Variants in SIK3 observed in about 807,000 individuals in gnomAD.
The protein encoded by SIK3 is SIK family kinase 3.
A neutral mutation model predicts 144.2 loss-of-function variants in SIK3; 28 were observed. The observed-to-expected ratio is 0.19, with a 90% confidence interval of 0.14 to 0.27. SIK3 has a LOEUF of 0.27. Ranked by LOEUF, SIK3 falls within the 10% of genes least tolerant of loss-of-function variation. SIK3 has a pLI of 1.00. For missense variants in SIK3, 1,319 were observed against 1,776.0 expected (o/e 0.74, Z 4.62); for synonymous variants, 686 against 676.3 (o/e 1.01, Z -0.22).
intron 21 of SIK3, among the ~76,000 whole-genome samples, chr11:116,852,745 T>A (rs1942567813): frequency 6.6e-6 from 1 of 152,198 alleles, no homozygotes; most frequent in Non-Finnish European, 1.5e-5. Flanking sequence ...GCTTGCAGAA[T>A]TATGAGGGAC....
chr11:116,891,327 C>A (rs1591241083), intron 6 of SIK3, among the ~76,000 whole-genome samples: 1 of 152,088 alleles, frequency 6.6e-6, no homozygotes, highest in Non-Finnish European at 1.5e-5. Context: ...AAAAAAAAGT[C>A]TTTTGTTTTC....
chr11:116,985,981 T>C (rs191296073), intron 1 of SIK3, among the ~76,000 whole-genome samples: 7 of 152,290 alleles, frequency 4.6e-5, no homozygotes, highest in Admixed American at 1.3e-4. Context: ...CACAACCAGA[T>C]CTGGGTTTCT....
intron 13 of SIK3, 97 bp downstream of exon 13, chr11:116,873,384 A>C: frequency 1.3e-6 from 2 of 1,514,192 alleles, no homozygotes; most frequent in Non-Finnish European, 1.8e-6. Flanking sequence ...AAGGAAATTC[A>C]GACATGTAGG....
In SIK3 at chr11:117,010,108, GC is replaced by G. The variant is rs2135673989; in HGVS notation, c.274-53045del. ...GTGGGAAGTGGCTTCTTCCTGGGAA[GC>G]CCAGTACCCAAAAAGCCTCTCCCAG... On this transcript the variant is annotated intron_variant, in intron 1 of 24. Coordinates refer to ENST00000445177, the MANE Select transcript of SIK3 (RefSeq NM_001366686.3). 2.0e-5 allele frequency among the ~76,000 whole-genome samples: 3 copies of G among 152,002 alleles called. No homozygotes were observed. The East Asian group carries it at 6.1e-4, about 31-fold the overall frequency.
chr11:116,851,417 G>A (rs1217290105), intron 21 of SIK3, among the ~76,000 whole-genome samples: 1 of 152,142 alleles, frequency 6.6e-6, no homozygotes, highest in East Asian at 1.9e-4. Context: ...TGAATGTTGG[G>A]TAAAGGATTT....
intron 15 of SIK3, 99 bp from the exon 16 acceptor site, chr11:116,863,917 T>A: frequency 1.5e-6 from 2 of 1,297,912 alleles, no homozygotes; most frequent in Non-Finnish European, 2.1e-6. Context: ...GACGGCTGGC[T>A]GCCCAGGTAG....
intron 1 of SIK3, among the ~76,000 whole-genome samples, chr11:117,080,723 G>A (rs1042308336): frequency 6.6e-6 from 1 of 152,112 alleles, no homozygotes; most frequent in Admixed American, 6.6e-5. Flanking sequence ...TGAGGCAGGG[G>A]GATCACTCAA....
chr11:117,009,337 G>A (rs139047829), intron 1 of SIK3, among the ~76,000 whole-genome samples: 34 of 151,980 alleles, frequency 2.2e-4, no homozygotes, highest in East Asian at 1.9e-4. Flanking sequence ...CTTGAGCCCA[G>A]GAGTTCGAGA....
intron 3 of SIK3, among the ~76,000 whole-genome samples, chr11:116,940,419 C>A (rs1305408445): frequency 6.6e-6 from 1 of 151,656 alleles, no homozygotes; most frequent in African/African-American, 2.4e-5. Flanking sequence ...TTAGTAAAGA[C>A]GGGGTTTCAA....
intron 3 of SIK3, among the ~76,000 whole-genome samples, chr11:116,939,169 G>A (rs529619030): frequency 2.1e-4 from 32 of 151,976 alleles, no homozygotes; most frequent in Non-Finnish European, 4.3e-4. Flanking sequence ...TTGTTTTTAA[G>A]ACAAGTCTCA....
chr11:116,992,315 A>ACCCC (rs201865103), intron 1 of SIK3, among the ~76,000 whole-genome samples: 44 of 117,810 alleles, frequency 3.7e-4, no homozygotes, highest in Non-Finnish European at 5.8e-4. Flanking sequence ...ACAGAGCAAG[A>ACCCC]CCCCCCCCCC....
At chr11:116,947,118 T>A (rs1021224810) in intron 3 of SIK3, among the ~76,000 whole-genome samples, 21 of 6,500 alleles carry the variant, frequency 3.2e-3, no homozygotes, top group East Asian at 0.025. Flanking sequence ...CTCAAAAAAA[T>A]ATATATATAA....
intron 6 of SIK3, among the ~76,000 whole-genome samples, chr11:116,892,926 A>C (rs1038010957): frequency 5.3e-5 from 8 of 152,210 alleles, no homozygotes; most frequent in Non-Finnish European, 2.9e-5. Flanking sequence ...GAGGAACCTT[A>C]TTGCATATTA....
At chr11:116,947,571 T>TATGTATGTA (rs1565488195) in intron 3 of SIK3, among the ~76,000 whole-genome samples, 1 of 34,960 alleles carries the variant, frequency 2.9e-5, no homozygotes, top group Non-Finnish European at 8.7e-5. Flanking sequence ...ATGTATGTAT[T>TATGTATGTA]TTTTTTTTTT....
chr11:117,044,072 G>C (rs1220004300), intron 1 of SIK3, among the ~76,000 whole-genome samples: 1 of 152,118 alleles, frequency 6.6e-6, no homozygotes, highest in Non-Finnish European at 1.5e-5. Context: ...AATAAGCAAA[G>C]GAATGTAAAA....
At chr11:117,027,743 A>G (rs1014017615) in intron 1 of SIK3, among the ~76,000 whole-genome samples, 6 of 152,224 alleles carry the variant, frequency 3.9e-5, no homozygotes, top group Admixed American at 6.5e-5. Context: ...CTGGGATTAC[A>G]GACGTGAGCC....
At chr11:117,016,361 G>GGAAGGA (rs1187920160) in intron 1 of SIK3, among the ~76,000 whole-genome samples, 15 of 117,070 alleles carry the variant, frequency 1.3e-4, no homozygotes, top group African/African-American at 4.7e-4. Context: ...AGGGAGGGAG[G>GGAAGGA]GAGGGAAGGA....
At chr11:116,874,628 T>C (rs1186429807) in intron 11 of SIK3, among the ~76,000 whole-genome samples, 1 of 152,218 alleles carries the variant, frequency 6.6e-6, no homozygotes, top group African/African-American at 2.4e-5. Context: ...TATTGCCTAT[T>C]TGATCATAGG....
intron 1 of SIK3, among the ~76,000 whole-genome samples, chr11:116,999,947 G>C (rs971229855): frequency 3.3e-5 from 5 of 152,092 alleles, no homozygotes; most frequent in Admixed American, 1.3e-4. Flanking sequence ...CCAAATCCCA[G>C]AGCAACAGTG....
Sources: allele counts gnomAD v4.1 joint callset (sites outside exome capture counted in the v4.1 genomes callset), GRCh38; gene constraint gnomAD v4.1.1; transcripts MANE v1.5; gene names NCBI Gene and HGNC (gene_info 2026-07-23, HGNC 2026-07-21).